CFAP46: variants seen among roughly 807,000 people sequenced by gnomAD.
CFAP46 encodes cilia and flagella associated protein 46.
A neutral mutation model predicts 325.7 loss-of-function variants in CFAP46; 245 were observed. That is an observed-to-expected ratio of 0.75 (90% CI 0.68 to 0.84). The LOEUF is 0.84. CFAP46 is among the 40% of genes least tolerant of loss of function. The probability of loss-of-function intolerance (pLI) is 0.00; values close to 1 mark genes in which losing one functional copy is unlikely to be tolerated. For synonymous variants in CFAP46, 1,523 were observed against 1,495.9 expected, an observed-to-expected ratio of 1.02 and a Z score of -0.42; for missense variants, 3,346 against 3,543.0, an observed-to-expected ratio of 0.94 and a Z score of 1.41.
chr10:132,834,527 C>T (rs1011460395), intron 48 of CFAP46, 127 bp downstream of exon 48: 12 of 1,325,854 alleles, frequency 9.1e-6, no homozygotes, highest in Middle Eastern at 1.9e-4. Context: ...AGCAGGCAGG[C>T]GGCGCCGAGT....
chr10:132,926,640 T>TTCCATTTCAATA lies in CFAP46; in HGVS notation c.981_992dup (p.Met330_Glu331insAspIleGluMet). On this transcript the variant is annotated inframe_insertion, in exon 10 of 58. Transcript: ENST00000368586. ...AAGCTTCCGATTCACACTCCAGACA[T>TTCCATTTCAATA]TCCATTTCAATAAGCTTCCCAGGAT... is the stretch of plus-strand genomic sequence containing the variant. 1.3e-6 allele frequency: 2 copies of TTCCATTTCAATA among 1,536,246 alleles called. No individual in the cohort carries two copies. Among genetic ancestry groups the TTCCATTTCAATA allele is most frequent in the Non-Finnish European group, 1.7e-6 (2 of 1,146,900 alleles).
chr10:132,925,194 C>T (rs773881859), intron 10 of CFAP46, among the ~76,000 whole-genome samples: 209 of 152,252 alleles, frequency 1.4e-3, no homozygotes, highest in Non-Finnish European at 1.9e-3. Context: ...GGCCTGTGCT[C>T]GCTACGCTTC....
chr10:132,885,123 T>C lies in CFAP46; in HGVS notation c.3607A>G (p.Asn1203Asp). Residue 1203 changes from asparagine (N) to aspartate (D), a missense_variant, in exon 27 of 58, where the codon AAC becomes GAC. Asn to Asp is a conservative substitution (Grantham distance 23). Transcript: ENST00000368586. The stretch of plus-strand genomic sequence containing the variant: ...CACACCTGCAAGGCCTGGATGGCGT[T>C]GTTGTAGCAGGCCAGCTCTCCAGAC... ...SVSGELACYN[N>D]AIQALQKPEM... 1.3e-6 allele frequency: 2 copies of C among 1,548,452 alleles called. No homozygotes were observed. Among genetic ancestry groups the C allele is most frequent in the Non-Finnish European group, 8.7e-7 (1 of 1,145,972 alleles).
chr10:132,810,733 C>T (rs561993459), intron 56 of CFAP46: 23 of 724,148 alleles, frequency 3.2e-5, no homozygotes, highest in African/African-American at 1.4e-4. Flanking sequence ...TGTGGGGACC[C>T]GGCTCCCGTG....
Position 132,918,441 on chromosome 10 carries a change from G to A in CFAP46, c.1938C>T (p.Cys646=). 1 of 1,549,236 alleles carries A rather than the reference G, an allele frequency of 6.5e-7. No homozygotes were observed. The highest frequency in any genetic ancestry group is 8.7e-7 in the Non-Finnish European group (1 of 1,146,088). ...QPEVVLQRQV[C]PDLLRKFAEV... is the part of the protein sequence containing the mutation. The stretch of plus-strand genomic sequence containing the variant: ...CCGCGAACTTCCGCAGCAGGTCGGG[G>A]CACACCTGCCTCTGCAGGACGACCT... Residue 646 remains cysteine (C), a synonymous_variant, in exon 16 of 58, where the codon TGC becomes TGT. Transcript: ENST00000368586.
chr10:132,855,015 G>A (rs1036272667), intron 39 of CFAP46, among the ~76,000 whole-genome samples: 2 of 152,158 alleles, frequency 1.3e-5, no homozygotes, highest in African/African-American at 2.4e-5. Context: ...TTGGGTGAAC[G>A]TTCTAGAAAT....
chr10:132,817,438 G>C lies in CFAP46; in HGVS notation c.7118-2524C>G, dbSNP rs1374270663. 6.6e-6 allele frequency among the ~76,000 whole-genome samples: 1 copy of C among 152,032 alleles called. No homozygotes were observed. The highest frequency in any genetic ancestry group is 2.4e-5 in the African/African-American group (1 of 41,396). ...CAGGGTTGGCCAATTTTCTTTTTTT[G>C]ATATATGACATAAATGGGCCAACTT... On this transcript the variant is annotated intron_variant, in intron 50 of 57. Transcript: ENST00000368586. This position sits in a 1 kb window ranked among gnomAD's most constrained non-coding sequence, Gnocchi z 4.4.
rs1223083177 is a variant in CFAP46, at chr10:132,884,416, C to G, written c.3627+687G>C. ...CCAAAGGCCTCGGGGCAGGATTGCT[C>G]TGAGCCGGAGAAACAGCTCGTGTAA... On this transcript the variant is annotated intron_variant, in intron 27 of 57. Coordinates refer to ENST00000368586, the MANE Select transcript of CFAP46 (RefSeq NM_001200049.3). The surrounding 1 kb of genome is among the most constrained non-coding windows in gnomAD (Gnocchi z 5.4). Among the ~76,000 whole-genome samples, 1 of 152,228 alleles carries G rather than the reference C, an allele frequency of 6.6e-6. No homozygotes were observed. Among genetic ancestry groups the G allele is most frequent in the Non-Finnish European group, 1.5e-5 (1 of 68,036 alleles).
chr10:132,906,926 C>T (rs1849465502), intron 22 of CFAP46, among the ~76,000 whole-genome samples: 1 of 152,250 alleles, frequency 6.6e-6, no homozygotes, highest in Non-Finnish European at 1.5e-5. Context: ...GAATGGGGGG[C>T]CTGGTACATG....
rs1178067251 is a variant in CFAP46, at chr10:132,922,470, G to C, written c.1485+10C>G. ...AGCACCCAGCCTCCCTCACTTCCCC[G>C]GGGCGGCACCTGCTCAACGGCCATG... On this transcript the variant is annotated intron_variant, in intron 12 of 57. Transcript: ENST00000368586. The C allele has an allele frequency of 1.3e-6, 2 of 1,525,518 alleles. No homozygotes were observed. The highest frequency in any genetic ancestry group is 2.0e-5 in the Admixed American group (1 of 50,408). The allele number at this position is 1,525,518 out of a possible 1,614,324, so 94.5% of individuals were successfully genotyped here.
chr10:132,820,697 A>T (rs1591031972), intron 50 of CFAP46, among the ~76,000 whole-genome samples: 1 of 64,384 alleles, frequency 1.6e-5, no homozygotes, highest in African/African-American at 5.1e-5. Flanking sequence ...GTGTGTGCTG[A>T]TGTGTGCTGT....
intron 8 of CFAP46, among the ~76,000 whole-genome samples, chr10:132,933,982 C>T (rs562025383): frequency 6.6e-6 from 1 of 152,268 alleles, no homozygotes; most frequent in Non-Finnish European, 1.5e-5. Flanking sequence ...GCAGACACAG[C>T]GAGGTCATGG....
chr10:132,836,927 A>T lies in CFAP46; in HGVS notation c.6439-13T>A. 3 of 1,605,154 alleles carry T rather than the reference A, an allele frequency of 1.9e-6. No individual in the cohort carries two copies. Among genetic ancestry groups the T allele is most frequent in the Non-Finnish European group, 2.6e-6 (3 of 1,172,024 alleles). On this transcript the variant is annotated splice_polypyrimidine_tract_variant and intron_variant, in intron 44 of 57. Coordinates refer to ENST00000368586, the MANE Select transcript of CFAP46 (RefSeq NM_001200049.3). ...GATTTTGCCAAGCCTGTGTGGCGAAAAACGGCCATCAGGGGATGCATTTAG... is the reference window on the plus strand; with the variant it reads ...GATTTTGCCAAGCCTGTGTGGCGAATAACGGCCATCAGGGGATGCATTTAG...
intron 39 of CFAP46, among the ~76,000 whole-genome samples, chr10:132,851,570 C>T (rs1032583434): frequency 1.3e-5 from 2 of 152,232 alleles, no homozygotes; most frequent in African/African-American, 4.8e-5. Context: ...CGGCACCCTG[C>T]ATTCCTTGGC....
chr10:132,880,553 C>T (rs1195393814), intron 28 of CFAP46, among the ~76,000 whole-genome samples: 5 of 152,206 alleles, frequency 3.3e-5, no homozygotes, highest in Admixed American at 6.5e-5. Flanking sequence ...GCTGTGTGCC[C>T]GAGAACATGC....
intron 27 of CFAP46, among the ~76,000 whole-genome samples, chr10:132,881,914 C>G (rs747114879): frequency 3.9e-5 from 6 of 152,266 alleles, no homozygotes; most frequent in Non-Finnish European, 5.9e-5. Context: ...CACACTGCAT[C>G]AGCTGTCACA....
chr10:132,837,058 TG>T (rs575551952), intron 44 of CFAP46, 144 bp from the exon 45 acceptor site: 1 of 624,500 alleles, frequency 1.6e-6, no homozygotes, highest in East Asian at 2.9e-5. Flanking sequence ...GCCCTTGGGG[TG>T]GGGGGCCCTG....
In CFAP46 at chr10:132,876,453, C is replaced by T. The variant is rs747487005; in HGVS notation, c.4362+359G>A. Among the ~76,000 whole-genome samples, 5 of 152,210 alleles carry T rather than the reference C, an allele frequency of 3.3e-5. No homozygotes were observed. Among genetic ancestry groups the T allele is most frequent in the South Asian group, 2.1e-4 (1 of 4,836 alleles). Reference sequence around the variant, plus strand: ...CCCTTTGGAGGGTGTGCCACCCTCCCGACACCTGGATTTGAGCCCAGGGAC... The same window carrying T: ...CCCTTTGGAGGGTGTGCCACCCTCCTGACACCTGGATTTGAGCCCAGGGAC... On this transcript the variant is annotated intron_variant, in intron 31 of 57. Coordinates refer to ENST00000368586, the MANE Select transcript of CFAP46 (RefSeq NM_001200049.3). This position sits in a 1 kb window ranked among gnomAD's most constrained non-coding sequence, Gnocchi z 4.1.
rs1465707148 is a variant in CFAP46, at chr10:132,909,916, C to T, written c.2649+3G>A. ...GAGCCCAGATGTGGGCAGGGGCGCC[C>T]ACCTGCTCCTCGGTGCCCAGCCGTG... On this transcript the variant is annotated splice_donor_region_variant and intron_variant, in intron 20 of 57. Coordinates refer to ENST00000368586, the MANE Select transcript of CFAP46 (RefSeq NM_001200049.3). 95 of 1,448,270 alleles carry T rather than the reference C, an allele frequency of 6.6e-5. No individual in the cohort carries two copies. The highest frequency in any genetic ancestry group is 8.3e-5 in the Non-Finnish European group (92 of 1,102,704). The allele number at this position is 1,448,270 out of a possible 1,614,324, so 89.7% of individuals were successfully genotyped here. A position where few individuals can be genotyped will look rare whatever the true frequency, so the allele number is the denominator to read the frequency against.
Sources: gnomAD v4.1 joint callset for allele counts (sites outside exome capture counted in the v4.1 genomes callset) on GRCh38, gnomAD v4.1.1 for gene constraint, Gnocchi (gnomAD v3.1) non-coding constraint, MANE v1.5 for transcripts, NCBI Gene and HGNC (gene_info 2026-07-23, HGNC 2026-07-21) for gene names.